CBFB: variants seen among roughly 807,000 people sequenced by gnomAD.
CBFB encodes the protein core-binding factor subunit beta.
CBFB carries 9 observed loss-of-function variants against 30.4 expected under a neutral mutation model. That is an observed-to-expected ratio of 0.30 (90% CI 0.18 to 0.52). The LOEUF (loss-of-function observed/expected upper bound fraction) is 0.52, where lower values mean the gene tolerates loss of function less well. CBFB is among the 20% of genes least tolerant of loss of function. CBFB has a pLI of 0.97. For missense variants in CBFB, 170 were observed against 244.0 expected, an observed-to-expected ratio of 0.70 and a Z score of 2.02; for synonymous variants, 94 against 84.0, an observed-to-expected ratio of 1.12 and a Z score of -0.65.
intron 3 of CBFB, among the ~76,000 whole-genome samples, chr16:67,050,185 GAT>G (rs896658407): frequency 1.4e-5 from 2 of 145,662 alleles, no homozygotes; most frequent in Non-Finnish European, 3.0e-5. Context: ...AATTATATGT[GAT>G]ATATATAATA....
chr16:67,081,926 A>G (rs1183212153), intron 4 of CBFB, among the ~76,000 whole-genome samples: 2 of 147,944 alleles, frequency 1.4e-5, no homozygotes, highest in Non-Finnish European at 3.0e-5. Context: ...GTTTTAAGCT[A>G]TTCTGCCTCA....
chr16:67,041,131 A>G (rs948955831), intron 3 of CBFB, among the ~76,000 whole-genome samples: 1 of 152,210 alleles, frequency 6.6e-6, no homozygotes, highest in Non-Finnish European at 1.5e-5. Flanking sequence ...TTTTAGGGAC[A>G]GGGTCTTGGT....
At chr16:67,071,484 G>C (rs1961220717) in intron 4 of CBFB, among the ~76,000 whole-genome samples, 1 of 152,152 alleles carries the variant, frequency 6.6e-6, no homozygotes, top group African/African-American at 2.4e-5. Flanking sequence ...CCAGAAAGAG[G>C]TTCCTCACGG....
chr16:67,029,508 T>C lies in CBFB; in HGVS notation c.78+23T>C, dbSNP rs1299767428. On this transcript the variant is annotated intron_variant, in intron 1 of 5. Coordinates refer to ENST00000412916, the MANE Select transcript of CBFB (RefSeq NM_022845.3). ...GAGGTGAGGCAGGCGGGCGGGCGGC[T>C]AGGAGGCCGCAGCGCGCCCCGAGTG... 3 of 1,571,906 alleles carry C rather than the reference T, an allele frequency of 1.9e-6. No individual in the cohort carries two copies. The South Asian group carries it at 3.5e-5, about 18-fold the overall frequency.
chr16:67,030,562 G>C (rs964604065), intron 2 of CBFB, among the ~76,000 whole-genome samples: 1 of 152,084 alleles, frequency 6.6e-6, no homozygotes, highest in African/African-American at 2.4e-5. Flanking sequence ...AGGTGCTGAT[G>C]AGGAGGGAGT....
At chr16:67,083,889 C>T (rs543079397) in intron 5 of CBFB, among the ~76,000 whole-genome samples, 117 of 151,972 alleles carry the variant, frequency 7.7e-4, no homozygotes, top group African/African-American at 2.4e-3. Context: ...TATTCTAGGG[C>T]CAGATGCTAT....
At chr16:67,036,785 A>G in intron 3 of CBFB, 30 bp downstream of exon 3, 1 of 1,239,194 alleles carries the variant, frequency 8.1e-7, no homozygotes, top group Non-Finnish European at 1.2e-6. Context: ...AATTTAAAAT[A>G]CTGTGGGTTG....
intron 5 of CBFB, among the ~76,000 whole-genome samples, chr16:67,088,810 G>A (rs1245657758): frequency 6.6e-6 from 1 of 152,140 alleles, no homozygotes; most frequent in Non-Finnish European, 1.5e-5. Context: ...TAACTTCTGA[G>A]GCCTCCAGCC....
In CBFB at chr16:67,069,716, G is replaced by T. The variant is rs1961164915; in HGVS notation, c.399+2918G>T. Among the ~76,000 whole-genome samples the T allele has an allele frequency of 2.0e-5, 3 of 152,220 alleles. No individual in the cohort carries two copies. The South Asian group carries it at 6.2e-4, about 32-fold the overall frequency. ...TGAGAGACAAGGAATCATGAAAGCA[G>T]CAAGAAAGGATTCCTCACACGCGAA... On this transcript the variant is annotated intron_variant, in intron 4 of 5. Coordinates refer to ENST00000412916, the MANE Select transcript of CBFB (RefSeq NM_022845.3).
chr16:67,061,899 G>T (rs1960920311), intron 3 of CBFB, among the ~76,000 whole-genome samples: 1 of 151,912 alleles, frequency 6.6e-6, no homozygotes, highest in Admixed American at 6.6e-5. Context: ...GTGTGTGGTG[G>T]TAGGTGCCTG....
At chr16:67,044,723 A>G (rs941349918) in intron 3 of CBFB, among the ~76,000 whole-genome samples, 5 of 152,196 alleles carry the variant, frequency 3.3e-5, no homozygotes, top group South Asian at 2.1e-4. Flanking sequence ...TTGTCCCAAA[A>G]TACATATTGT....
intron 3 of CBFB, among the ~76,000 whole-genome samples, chr16:67,053,763 T>C (rs763363964): frequency 6.6e-6 from 1 of 151,852 alleles, no homozygotes; most frequent in Non-Finnish European, 1.5e-5. Context: ...GTGCCGGAGA[T>C]GTGGAGGAAT....
At chr16:67,090,894 A>G (rs1187030946) in intron 5 of CBFB, among the ~76,000 whole-genome samples, 1 of 152,230 alleles carries the variant, frequency 6.6e-6, no homozygotes, top group African/African-American at 2.4e-5. Flanking sequence ...TGTATTTTGC[A>G]TAGTTTTGGG....
chr16:67,045,788 CTTTCTACAT>C (rs1567607627), intron 3 of CBFB, among the ~76,000 whole-genome samples: 1 of 149,630 alleles, frequency 6.7e-6, no homozygotes, highest in Non-Finnish European at 1.5e-5. Flanking sequence ...CTTCCTTCTA[CTTTCTACAT>C]TTTTTTTTTT....
intron 3 of CBFB, among the ~76,000 whole-genome samples, chr16:67,048,633 C>T (rs1966673939): frequency 6.6e-6 from 1 of 152,036 alleles, no homozygotes; most frequent in African/African-American, 2.4e-5. Flanking sequence ...TCACTGCAAG[C>T]TCTGCCTCCC....
At chr16:67,067,224 A>C (rs1333883944) in intron 4 of CBFB, among the ~76,000 whole-genome samples, 1 of 151,850 alleles carries the variant, frequency 6.6e-6, no homozygotes, top group African/African-American at 2.4e-5. Flanking sequence ...AAAAAAAAAA[A>C]AAAAAGCTGG....
chr16:67,038,148 T>G (rs559604094), intron 3 of CBFB, among the ~76,000 whole-genome samples: 1 of 152,170 alleles, frequency 6.6e-6, no homozygotes, highest in East Asian at 1.9e-4. Flanking sequence ...TTGCAGTGTG[T>G]TTTTGTACCC....
intron 2 of CBFB, among the ~76,000 whole-genome samples, chr16:67,033,039 T>C (rs1966379853): frequency 1.3e-5 from 2 of 152,152 alleles, no homozygotes; most frequent in South Asian, 4.1e-4. Flanking sequence ...CATGCCCAGC[T>C]AATTTTTGTA....
At chr16:67,078,283 C>T (rs1200141741) in intron 4 of CBFB, among the ~76,000 whole-genome samples, 2 of 152,220 alleles carry the variant, frequency 1.3e-5, no homozygotes, top group Admixed American at 6.5e-5. Context: ...CACGGTGGCT[C>T]ATGCCTGTGA....
Sources: allele counts gnomAD v4.1 joint callset (sites outside exome capture counted in the v4.1 genomes callset), GRCh38; gene constraint gnomAD v4.1.1; transcripts MANE v1.5; gene names NCBI Gene and HGNC (gene_info 2026-07-23, HGNC 2026-07-21).